ZMAT3: variants seen among roughly 807,000 people sequenced by gnomAD.
ZMAT3 encodes zinc finger matrin-type 3.
Under a neutral mutation model 32.3 loss-of-function variants are expected in ZMAT3, and 17 were observed. The observed-to-expected ratio is 0.53, with a 90% confidence interval of 0.36 to 0.79. The LOEUF is 0.79. Among genes scored for constraint, ZMAT3 ranks in the 30% least tolerant of loss-of-function variants. The pLI is 0.00. For synonymous variants in ZMAT3, 120 were observed against 133.1 expected (o/e 0.90, Z 0.68); for missense variants, 329 against 359.7 (o/e 0.91, Z 0.69).
intron 2 of ZMAT3, among the ~76,000 whole-genome samples, chr3:179,055,636 G>A (rs905219206): frequency 7.2e-5 from 11 of 152,178 alleles, no homozygotes; most frequent in African/African-American, 2.7e-4. Context: ...CCCAGCCAGA[G>A]TGCCTGTACC....
intron 2 of ZMAT3, among the ~76,000 whole-genome samples, chr3:179,051,363 C>G (rs1720547090): frequency 6.6e-6 from 1 of 152,030 alleles, no homozygotes; most frequent in African/African-American, 2.4e-5. Context: ...AGCTACCAAG[C>G]AGAGAATCAA....
chr3:179,039,513 A>G (rs1489352524), intron 2 of ZMAT3, among the ~76,000 whole-genome samples: 1 of 152,262 alleles, frequency 6.6e-6, no homozygotes, highest in African/African-American at 2.4e-5. Flanking sequence ...GAAAACTAAC[A>G]AACAGAAAGG....
rs1553798348 is a variant in ZMAT3, at chr3:179,023,710, A to ATATATT, written c.*1306_*1307insAATATA. The ATATATT allele has an allele frequency of 2.8e-4, 7 of 25,064 alleles. No individual in the cohort carries two copies. The highest frequency in any genetic ancestry group is 1.6e-3 in the African/African-American group (6 of 3,686). 1.6% of individuals were successfully genotyped at this position (25,064 alleles called of 1,614,324 possible). A position where few individuals can be genotyped will look rare whatever the true frequency, so the allele number is the denominator to read the frequency against. On this transcript the variant is annotated 3_prime_UTR_variant, in exon 6 of 6. Transcript: ENST00000311417. ...GGAAAATATATCTATATATATATATATTTTTTTTTTTTTTTTTTTTTTTTT... is the reference window on the plus strand; with the variant it reads ...GGAAAATATATCTATATATATATATATATATTTTTTTTTTTTTTTTTTTTTTTTTTT...
At position 179,071,676 on chromosome 3, in the gene ZMAT3, G is replaced by C. The variant is rs936231540; in HGVS notation, c.-139C>G. On this transcript the variant is annotated 5_prime_UTR_variant, in exon 1 of 6. Coordinates refer to ENST00000311417, the MANE Select transcript of ZMAT3 (RefSeq NM_022470.4). ...GACGCCCGCCCTGCGCGCCCGGCTCGGCCCAGCTCGACCCAGCCTCTTCTC... is the reference window on the plus strand; with the variant it reads ...GACGCCCGCCCTGCGCGCCCGGCTCCGCCCAGCTCGACCCAGCCTCTTCTC... 2.0e-5 allele frequency: 3 copies of C among 152,330 alleles called. No individual in the cohort carries two copies. The highest frequency in any genetic ancestry group is 4.4e-5 in the Non-Finnish European group (3 of 68,196). The allele number at this position is 152,330 out of a possible 1,614,324, so 9.4% of individuals were successfully genotyped here. A position where few individuals can be genotyped will look rare whatever the true frequency, so the allele number is the denominator to read the frequency against.
chr3:179,048,120 A>T (rs1390308422), intron 2 of ZMAT3, among the ~76,000 whole-genome samples: 3 of 152,224 alleles, frequency 2.0e-5, no homozygotes, highest in African/African-American at 7.2e-5. Flanking sequence ...AAGAAAAAAG[A>T]ATTTTTAAAA....
intron 1 of ZMAT3, among the ~76,000 whole-genome samples, chr3:179,068,670 T>C (rs1721551374): frequency 6.6e-6 from 1 of 152,208 alleles, no homozygotes; most frequent in Non-Finnish European, 1.5e-5. Flanking sequence ...GCCTAAAGTA[T>C]GACAGAAATA....
At chr3:179,048,890 T>C (rs1303731707) in intron 2 of ZMAT3, among the ~76,000 whole-genome samples, 1 of 151,630 alleles carries the variant, frequency 6.6e-6, no homozygotes, top group Middle Eastern at 3.2e-3. Flanking sequence ...GCAAAACGGA[T>C]AAGAATTCAC....
rs1445744286 is a variant in ZMAT3, at chr3:179,020,627, C to A, written c.*4390G>T. 6.6e-6 allele frequency: 1 copy of A among 152,216 alleles called. No individual in the cohort carries two copies. Among genetic ancestry groups the A allele is most frequent in the Admixed American group, 6.5e-5 (1 of 15,272 alleles). 9.4% of individuals were successfully genotyped at this position (152,216 alleles called of 1,614,324 possible). ...TTCTAAAGCAGCTCTATTGTCCTAG[C>A]ATATGCCTCACCAAGTTCTTTAAAG... is the stretch of plus-strand genomic sequence containing the variant. On this transcript the variant is annotated 3_prime_UTR_variant, in exon 6 of 6. Transcript: ENST00000311417.
At chr3:179,049,858 G>T (rs1195891562) in intron 2 of ZMAT3, among the ~76,000 whole-genome samples, 4 of 151,674 alleles carry the variant, frequency 2.6e-5, no homozygotes, top group Non-Finnish European at 5.9e-5. Context: ...TGGGCGTGGT[G>T]GTGGGCGCCT....
chr3:179,069,576 G>C (rs1336422327), intron 1 of ZMAT3, among the ~76,000 whole-genome samples: 1 of 152,112 alleles, frequency 6.6e-6, no homozygotes, highest in Admixed American at 6.6e-5. Context: ...GGCAATAATA[G>C]AATTACTAAA....
chr3:179,041,245 A>G (rs1719909985), intron 2 of ZMAT3, among the ~76,000 whole-genome samples: 1 of 152,224 alleles, frequency 6.6e-6, no homozygotes, highest in African/African-American at 2.4e-5. Context: ...ATAGGTATCT[A>G]CAGAACTCTC....
chr3:179,054,941 G>A (rs941719644), intron 2 of ZMAT3, among the ~76,000 whole-genome samples: 5 of 152,132 alleles, frequency 3.3e-5, no homozygotes, highest in African/African-American at 7.2e-5. Context: ...CATGACCCAC[G>A]GCTTCTAATA....
At chr3:179,044,326 T>C (rs1349685978) in intron 2 of ZMAT3, among the ~76,000 whole-genome samples, 1 of 152,214 alleles carries the variant, frequency 6.6e-6, no homozygotes, top group Non-Finnish European at 1.5e-5. Context: ...CCAACCCGAA[T>C]GTCCATCAAT....
chr3:179,027,443 T>C lies in ZMAT3; in HGVS notation c.638A>G (p.Tyr213Cys), dbSNP rs772906011. ...FKMMPNRRNM[Y>C]TVQNNSAGPY... is the part of the protein sequence containing the mutation. ...GATACCTGAATTATTCTGTACTGTA[T>C]ACATATTTCTCCTGTTAGGCATCAT... is the stretch of plus-strand genomic sequence containing the variant. The change falls in exon 5 of 6, where the codon TAT becomes TGT. Residue 213 changes from tyrosine to cysteine, a missense_variant. Tyr to Cys is a radical substitution (Grantham distance 194). Transcript: ENST00000311417. 6.2e-7 allele frequency: 1 copy of C among 1,614,202 alleles called. No homozygotes were observed. Among genetic ancestry groups the C allele is most frequent in the Admixed American group, 1.7e-5 (1 of 60,034 alleles).
rs1300388816 is a variant in ZMAT3 at position 179,023,403 on chromosome 3, T to C, written c.*1614A>G. ...AGAATAAAACCATAGTTCGTGTATA[T>C]TTCTACTGGAAACGAAGATAGTGAA... is the stretch of plus-strand genomic sequence containing the variant. On this transcript the variant is annotated 3_prime_UTR_variant, in exon 6 of 6. Transcript: ENST00000311417. 6.6e-6 allele frequency: 1 copy of C among 151,918 alleles called. No homozygotes were observed. Among genetic ancestry groups the C allele is most frequent in the Non-Finnish European group, 1.5e-5 (1 of 67,976 alleles). 9.4% of individuals were successfully genotyped at this position (151,918 alleles called of 1,614,324 possible).
intron 2 of ZMAT3, among the ~76,000 whole-genome samples, chr3:179,037,513 C>T (rs1360385840): frequency 6.6e-6 from 1 of 152,190 alleles, no homozygotes; most frequent in African/African-American, 2.4e-5. Context: ...AAGCCGAGCA[C>T]AGCCTGCCAG....
chr3:179,056,831 T>C (rs1720872623), intron 2 of ZMAT3, among the ~76,000 whole-genome samples: 1 of 152,224 alleles, frequency 6.6e-6, no homozygotes, highest in African/African-American at 2.4e-5. Context: ...TGGGGAACTT[T>C]ACTCTTTTCA....
At chr3:179,058,999 A>G (rs942079383) in intron 2 of ZMAT3, among the ~76,000 whole-genome samples, 8 of 152,158 alleles carry the variant, frequency 5.3e-5, no homozygotes, top group Admixed American at 5.2e-4. Context: ...AGAGAAAGGG[A>G]ATTCCTAACT....
At chr3:179,040,731 C>T (rs1032274971) in intron 2 of ZMAT3, among the ~76,000 whole-genome samples, 3 of 152,140 alleles carry the variant, frequency 2.0e-5, no homozygotes, top group Admixed American at 6.5e-5. Flanking sequence ...ACAATACTAA[C>T]CTTAAATGTA....
Sources: gnomAD v4.1 joint callset for allele counts (sites outside exome capture counted in the v4.1 genomes callset) on GRCh38, gnomAD v4.1.1 for gene constraint, MANE v1.5 for transcripts, NCBI Gene and HGNC (gene_info 2026-07-23, HGNC 2026-07-21) for gene names.